Variants in PPP1R9A observed in about 807,000 individuals in gnomAD.
The protein encoded by PPP1R9A is neurabin-1.
Under a neutral mutation model 141.9 loss-of-function variants are expected in PPP1R9A, and 59 were observed. That is an observed-to-expected ratio of 0.42 (90% CI 0.34 to 0.52). PPP1R9A has a LOEUF of 0.52. Among genes scored for constraint, PPP1R9A ranks in the 20% least tolerant of loss-of-function variants. PPP1R9A has a pLI of 0.10. For synonymous variants in PPP1R9A, 500 were observed against 569.7 expected, an observed-to-expected ratio of 0.88 and a Z score of 1.74; for missense variants, 1,444 against 1,611.9, an observed-to-expected ratio of 0.90 and a Z score of 1.78.
chr7:95,195,361 G>T (rs1490907202), intron 5 of PPP1R9A, among the ~76,000 whole-genome samples: 4 of 149,486 alleles, frequency 2.7e-5, no homozygotes, highest in Non-Finnish European at 5.9e-5. Flanking sequence ...GCTCACTGCA[G>T]CCTTGACCTC....
At chr7:95,202,681 T>C (rs1001365725) in intron 6 of PPP1R9A, 2 of 581,552 alleles carry the variant, frequency 3.4e-6, no homozygotes, top group African/African-American at 4.1e-5. Context: ...TAACATTTAA[T>C]CTCTTGTCAT....
At chr7:95,212,730 A>G (rs893578077) in intron 7 of PPP1R9A, among the ~76,000 whole-genome samples, 6 of 152,144 alleles carry the variant, frequency 3.9e-5, no homozygotes, top group South Asian at 4.1e-4. Flanking sequence ...GTTTGAGTCT[A>G]TGTAATTATT....
chr7:95,088,139 C>T (rs1181175252), intron 2 of PPP1R9A, among the ~76,000 whole-genome samples: 1 of 151,948 alleles, frequency 6.6e-6, no homozygotes, highest in African/African-American at 2.4e-5. Context: ...GAAATGTTGG[C>T]TCTTTAATCA....
chr7:95,077,187 T>TTGATA (rs1483690684), intron 2 of PPP1R9A, among the ~76,000 whole-genome samples: 4 of 152,184 alleles, frequency 2.6e-5, no homozygotes, highest in African/African-American at 9.6e-5. Context: ...ATGTTTGCTC[T>TTGATA]TAATTATATC....
At chr7:94,966,155 T>C (rs2151175126) in intron 2 of PPP1R9A, among the ~76,000 whole-genome samples, 1 of 152,352 alleles carries the variant, frequency 6.6e-6, no homozygotes, top group East Asian at 1.9e-4. Flanking sequence ...CTTGTGATTT[T>C]TGCACATTGA....
chr7:94,968,504 A>G (rs1353583953), intron 2 of PPP1R9A, among the ~76,000 whole-genome samples: 1 of 152,130 alleles, frequency 6.6e-6, no homozygotes, highest in Non-Finnish European at 1.5e-5. Context: ...ATCAGAGACT[A>G]GGATTGCAAC....
rs28798431 is a variant in PPP1R9A, at chr7:95,128,311, T to C, written c.1649+7479T>C. On this transcript the variant is annotated intron_variant, in intron 4 of 19. Transcript: ENST00000433360. ...ATGTTTGTTGGCTGCTTGTATGCCC[T>C]CTATTGAGAAGTGCTGTTTATGTCT... Among the ~76,000 whole-genome samples, 980 of 152,318 alleles carry C rather than the reference T, an allele frequency of 6.4e-3. 12 individuals carry two copies. The highest frequency in any genetic ancestry group is 0.023 in the African/African-American group (950 of 41,566).
intron 9 of PPP1R9A, among the ~76,000 whole-genome samples, chr7:95,248,666 C>T (rs886486673): frequency 6.6e-5 from 10 of 151,748 alleles, no homozygotes; most frequent in Admixed American, 2.6e-4. Flanking sequence ...GTTTTAATGG[C>T]GCTTATGTAT....
intron 2 of PPP1R9A, among the ~76,000 whole-genome samples, chr7:94,962,983 T>A (rs1797802898): frequency 1.3e-5 from 2 of 152,128 alleles, no homozygotes; most frequent in Admixed American, 1.3e-4. Context: ...GTAAAATGAC[T>A]TACTTTTAAA....
chr7:94,996,519 G>T (rs956639781), intron 2 of PPP1R9A, among the ~76,000 whole-genome samples: 4 of 152,044 alleles, frequency 2.6e-5, no homozygotes, highest in African/African-American at 7.2e-5. Context: ...TGTGGCTTTG[G>T]TGTGGTTTTC....
At chr7:95,048,461 A>C (rs1290885375) in intron 2 of PPP1R9A, among the ~76,000 whole-genome samples, 1 of 152,158 alleles carries the variant, frequency 6.6e-6, no homozygotes, top group Non-Finnish European at 1.5e-5. Context: ...TGAGTAGTTA[A>C]GGGTAAATTT....
chr7:95,163,290 A>G (rs923921891), intron 5 of PPP1R9A, among the ~76,000 whole-genome samples: 1 of 152,182 alleles, frequency 6.6e-6, no homozygotes, highest in African/African-American at 2.4e-5. Flanking sequence ...CAAATTTCAA[A>G]AGTCTTCAAA....
intron 5 of PPP1R9A, among the ~76,000 whole-genome samples, chr7:95,181,179 T>C (rs970412795): frequency 6.8e-6 from 1 of 146,140 alleles, no homozygotes; most frequent in South Asian, 2.1e-4. Context: ...TATAGATATA[T>C]CTATCTATAT....
At chr7:95,273,774 A>G in intron 14 of PPP1R9A, 125 bp from the exon 15 acceptor site, 1 of 924,536 alleles carries the variant, frequency 1.1e-6, no homozygotes, top group Non-Finnish European at 1.6e-6. Context: ...ATAAGAAGGC[A>G]TTGATTATTT....
chr7:94,974,109 A>G (rs1799166711), intron 2 of PPP1R9A, among the ~76,000 whole-genome samples: 1 of 152,148 alleles, frequency 6.6e-6, no homozygotes. Flanking sequence ...GTAGGCTTTG[A>G]GAGATGAAGG....
At chr7:95,003,306 G>A (rs1803193085) in intron 2 of PPP1R9A, among the ~76,000 whole-genome samples, 1 of 152,040 alleles carries the variant, frequency 6.6e-6, no homozygotes, top group Non-Finnish European at 1.5e-5. Context: ...ATAAAATGTA[G>A]TCCATGCTTA....
chr7:95,276,981 A>G (rs1488619107), intron 16 of PPP1R9A, among the ~76,000 whole-genome samples: 18 of 152,186 alleles, frequency 1.2e-4, no homozygotes, highest in Admixed American at 1.2e-3. Flanking sequence ...GGGTCCTGAA[A>G]GTCTGTGGGC....
chr7:95,149,892 G>T (rs1343525689), intron 4 of PPP1R9A, among the ~76,000 whole-genome samples: 15 of 151,662 alleles, frequency 9.9e-5, no homozygotes, highest in Admixed American at 8.5e-4. Context: ...ACACAAAATG[G>T]CCAACTTAAT....
chr7:95,075,885 G>A (rs10258809), intron 2 of PPP1R9A, among the ~76,000 whole-genome samples: 11,106 of 152,108 alleles, frequency 0.073, 546 homozygotes, highest in African/African-American at 0.14. Flanking sequence ...GGGGTTTGGG[G>A]CTTCTGTGGG....
Sources: gnomAD v4.1 joint callset for allele counts (sites outside exome capture counted in the v4.1 genomes callset) on GRCh38, gnomAD v4.1.1 for gene constraint, MANE v1.5 for transcripts, NCBI Gene and HGNC (gene_info 2026-07-23, HGNC 2026-07-21) for gene names.